NAALADL2: variants seen among roughly 807,000 people sequenced by gnomAD.
The protein encoded by NAALADL2 is inactive N-acetylated-alpha-linked acidic dipeptidase-like protein 2.
In NAALADL2, 76 loss-of-function variants were observed where a neutral mutation model predicts 87.2. The observed-to-expected ratio is 0.87, with a 90% CI of 0.72 to 1.05. NAALADL2 has a LOEUF of 1.05. Ranked by LOEUF, NAALADL2 falls within the 50% of genes least tolerant of loss-of-function variation. NAALADL2 has a pLI of 0.00. For synonymous variants in NAALADL2, 354 were observed against 331.0 expected (o/e 1.07, Z -0.75); for missense variants, 1,089 against 945.8 (o/e 1.15, Z -1.99).
chr3:175,272,267 C>T (rs1752955689), intron 4 of NAALADL2, among the ~76,000 whole-genome samples: 1 of 152,132 alleles, frequency 6.6e-6, no homozygotes, highest in African/African-American at 2.4e-5. Flanking sequence ...TCCAGAAATG[C>T]ATCTGTCTAA....
At chr3:175,136,173 G>A (rs1729082258) in intron 2 of NAALADL2, among the ~76,000 whole-genome samples, 1 of 152,160 alleles carries the variant, frequency 6.6e-6, no homozygotes, top group African/African-American at 2.4e-5. Context: ...AGCCAATGAT[G>A]AAGGAGACAT....
chr3:175,325,416 G>A (rs1760587212), intron 5 of NAALADL2, among the ~76,000 whole-genome samples: 1 of 152,058 alleles, frequency 6.6e-6, no homozygotes, highest in South Asian at 2.1e-4. Flanking sequence ...ACAGTCCCAT[G>A]TCTTATCGTT....
At chr3:175,340,278 GAATAT>G (rs1762435963) in intron 5 of NAALADL2, among the ~76,000 whole-genome samples, 12 of 152,128 alleles carry the variant, frequency 7.9e-5, no homozygotes, top group Admixed American at 7.2e-4. Context: ...AATCACATCT[GAATAT>G]AATGGGATAT....
At chr3:174,848,511 TTTC>T (rs1195947474) in intron 3 of NAALADL2, among the ~76,000 whole-genome samples, 1 of 152,142 alleles carries the variant, frequency 6.6e-6, no homozygotes, top group Non-Finnish European at 1.5e-5. Context: ...GCCATATAAG[TTTC>T]TTAAAAATGT....
Position 174,941,710 on chromosome 3 carries a change from T to G in NAALADL2, c.43+82260T>G, listed in dbSNP as rs528603287. Among the ~76,000 whole-genome samples the G allele has an allele frequency of 2.1e-4, 32 of 152,304 alleles. 1 individual carries two copies. In the South Asian group the frequency reaches 6.6e-3, roughly 32 times the overall value. On this transcript the variant is annotated intron_variant, in intron 1 of 13. Coordinates refer to ENST00000454872, the MANE Select transcript of NAALADL2 (RefSeq NM_207015.3). Reference sequence around the variant, plus strand: ...TTGGGTGCATATATATTTAGGATAGTTAGGTCTTCTTGTTGAATTGGACTC... The same window carrying G: ...TTGGGTGCATATATATTTAGGATAGGTAGGTCTTCTTGTTGAATTGGACTC...
intron 1 of NAALADL2, among the ~76,000 whole-genome samples, chr3:175,064,060 G>T (rs1407907583): frequency 6.6e-6 from 1 of 151,952 alleles, no homozygotes; most frequent in Non-Finnish European, 1.5e-5. Context: ...CCAGGAACCA[G>T]GTTCATCCCA....
intron 5 of NAALADL2, among the ~76,000 whole-genome samples, chr3:175,370,173 T>C (rs1429973369): frequency 6.6e-6 from 1 of 152,154 alleles, no homozygotes; most frequent in Non-Finnish European, 1.5e-5. Context: ...AAAAAAGACG[T>C]TTTATCTTAT....
intron 1 of NAALADL2, among the ~76,000 whole-genome samples, chr3:174,921,176 C>T (rs558709115): frequency 2.0e-5 from 3 of 152,168 alleles, no homozygotes; most frequent in South Asian, 2.1e-4. Context: ...TTGCTTGATG[C>T]GAGGTTTCTA....
intron 11 of NAALADL2, among the ~76,000 whole-genome samples, chr3:175,665,422 G>A (rs570421424): frequency 1.3e-5 from 2 of 152,274 alleles, no homozygotes; most frequent in East Asian, 1.9e-4. Context: ...TACTTTAAAT[G>A]TTTTTACTTG....
chr3:175,707,404 G>T (rs115318144), intron 11 of NAALADL2, among the ~76,000 whole-genome samples: 3,165 of 152,144 alleles, frequency 0.021, 117 homozygotes, highest in African/African-American at 0.072. Context: ...TAACGCATGA[G>T]CCATACAAAA....
At chr3:175,137,810 G>A (rs1280445123) in intron 2 of NAALADL2, among the ~76,000 whole-genome samples, 1 of 151,790 alleles carries the variant, frequency 6.6e-6, no homozygotes, top group Admixed American at 6.6e-5. Context: ...TTTTAATAGA[G>A]ATGGGGTTTC....
At chr3:175,198,768 T>C (rs1161074310) in intron 2 of NAALADL2, among the ~76,000 whole-genome samples, 2 of 147,792 alleles carry the variant, frequency 1.4e-5, no homozygotes, top group Non-Finnish European at 3.0e-5. Flanking sequence ...TTGCAGATTT[T>C]TTTTTCATTT....
chr3:175,452,586 T>C (rs1346272878), intron 6 of NAALADL2, among the ~76,000 whole-genome samples: 1 of 152,106 alleles, frequency 6.6e-6, no homozygotes, highest in African/African-American at 2.4e-5. Flanking sequence ...GGCTGTTCTT[T>C]ATCTGAATAA....
intron 3 of NAALADL2, among the ~76,000 whole-genome samples, chr3:174,752,692 T>C (rs1002927964): frequency 1.4e-4 from 22 of 152,172 alleles, no homozygotes; most frequent in African/African-American, 5.3e-4. Context: ...TCCTTTTCTC[T>C]CTTGAAGTTA....
intron 1 of NAALADL2, among the ~76,000 whole-genome samples, chr3:174,528,147 C>T (rs1400040064): frequency 6.6e-6 from 1 of 152,014 alleles, no homozygotes; most frequent in Non-Finnish European, 1.5e-5. Flanking sequence ...AGCTTTCTTC[C>T]ACTTTGTGTT....
At chr3:175,231,108 T>C (rs1744873830) in intron 2 of NAALADL2, among the ~76,000 whole-genome samples, 1 of 151,926 alleles carries the variant, frequency 6.6e-6, no homozygotes, top group Non-Finnish European at 1.5e-5. Flanking sequence ...AAGATACCAA[T>C]TTTGTAAAAG....
intron 4 of NAALADL2, among the ~76,000 whole-genome samples, chr3:175,302,391 T>C (rs1757190758): frequency 1.3e-5 from 2 of 152,198 alleles, no homozygotes; most frequent in Admixed American, 1.3e-4. Flanking sequence ...CAGTTGGGGC[T>C]TAAGGGATTT....
At chr3:174,862,899 T>G (rs1726675068) in intron 1 of NAALADL2, among the ~76,000 whole-genome samples, 1 of 151,998 alleles carries the variant, frequency 6.6e-6, no homozygotes, top group Non-Finnish European at 1.5e-5. Flanking sequence ...ATCCCTACTC[T>G]GAAGGCTACA....
chr3:174,711,920 C>T (rs1730671318), intron 2 of NAALADL2, among the ~76,000 whole-genome samples: 1 of 152,132 alleles, frequency 6.6e-6, no homozygotes, highest in Non-Finnish European at 1.5e-5. Context: ...TTGCCTCAGC[C>T]TCCCGAGTAG....
Sources: gnomAD v4.1 joint callset for allele counts (sites outside exome capture counted in the v4.1 genomes callset) on GRCh38, gnomAD v4.1.1 for gene constraint, MANE v1.5 for transcripts, NCBI Gene and HGNC (gene_info 2026-07-23, HGNC 2026-07-21) for gene names.